Variants in GRSF1 observed in about 807,000 individuals in gnomAD.
GRSF1 encodes the protein G-rich sequence factor 1.
GRSF1 carries 50 observed loss-of-function variants against 51.1 expected under a neutral mutation model. The observed-to-expected ratio is 0.98, with a 90% CI of 0.78 to 1.24. The LOEUF is 1.24. Among genes scored for constraint, GRSF1 ranks in the 50% most tolerant of loss-of-function variants. GRSF1 has a pLI of 0.00. For synonymous variants in GRSF1, 293 were observed against 253.3 expected (o/e 1.16, Z -1.49); for missense variants, 700 against 639.7 (o/e 1.09, Z -1.02).
chr4:70,839,408 CG>C (rs2148849376), intron 1 of GRSF1, 62 bp downstream of exon 1: 1 of 1,484,292 alleles, frequency 6.7e-7, no homozygotes, highest in Non-Finnish European at 9.0e-7. Flanking sequence ...CGGAGGGGCG[CG>C]GGGGCGCGTG....
chr4:70,815,870 G>C lies in GRSF1; in HGVS notation c.*5017C>G, dbSNP rs1733290523. 2.0e-5 allele frequency: 3 copies of C among 152,134 alleles called. No homozygotes were observed. The South Asian group carries it at 6.2e-4, about 31-fold the overall frequency. 9.4% of individuals were successfully genotyped at this position (152,134 alleles called of 1,614,324 possible). A position where few individuals can be genotyped will look rare whatever the true frequency, so the allele number is the denominator to read the frequency against. ...CCAGTTAGTTGTTCACCTAACAGGT[G>C]AAACGTTAAAATGTGGCATTCATAC... On this transcript the variant is annotated 3_prime_UTR_variant, in exon 10 of 10. Coordinates refer to ENST00000254799, the MANE Select transcript of GRSF1 (RefSeq NM_002092.4).
intron 3 of GRSF1, 134 bp downstream of exon 3, chr4:70,832,984 T>C (rs957868215): frequency 7.6e-6 from 6 of 789,928 alleles, no homozygotes; most frequent in African/African-American, 5.3e-5. Flanking sequence ...CTTTATGTTT[T>C]ATTTTCACAT....
intron 9 of GRSF1, among the ~76,000 whole-genome samples, chr4:70,822,956 G>A (rs1419238643): frequency 1.3e-5 from 2 of 152,058 alleles, no homozygotes; most frequent in Admixed American, 6.6e-5. Context: ...AATTAGCCAG[G>A]CATTGTGGCG....
chr4:70,839,743 AG>A lies in GRSF1; in HGVS notation c.84del (p.Cys29AlafsTer114). 6.7e-7 allele frequency: 1 copy of A among 1,503,396 alleles called. No individual in the cohort carries two copies. Among genetic ancestry groups the A allele is most frequent in the Non-Finnish European group, 8.8e-7 (1 of 1,133,640 alleles). The allele number at this position is 1,503,396 out of a possible 1,614,324, so 93.1% of individuals were successfully genotyped here. ...CCAGCGGCGGAGTAGAAGGGCAGGC[AG>A]GCGGCGCCGGTGCGCCGGCAGCTGC... ...NCSSCRRTGA[A>X]CLPFYSAAGS... is the part of the protein sequence containing the mutation. On this transcript the variant is annotated frameshift_variant, in exon 1 of 10. Coordinates refer to ENST00000254799, the MANE Select transcript of GRSF1 (RefSeq NM_002092.4). LOFTEE classifies it high-confidence loss of function.
chr4:70,841,888 A>T (rs1200338603), upstream of GRSF1, among the ~76,000 whole-genome samples: 1 of 152,256 alleles, frequency 6.6e-6, no homozygotes, highest in Non-Finnish European at 1.5e-5. Flanking sequence ...AAACAGGGAC[A>T]AAAGAAAAGG....
chr4:70,826,048 T>TC, intron 7 of GRSF1, 76 bp downstream of exon 7: 4 of 1,251,166 alleles, frequency 3.2e-6, no homozygotes. Flanking sequence ...TTCTCTACCT[T>TC]CCCCAAATTA....
intron 5 of GRSF1, 108 bp from the exon 6 acceptor site, chr4:70,828,144 C>A: frequency 1.3e-6 from 1 of 781,782 alleles, no homozygotes; most frequent in Non-Finnish European, 2.1e-6. Flanking sequence ...TTATGAAACA[C>A]AGGTGTCAAA....
In GRSF1 at chr4:70,839,856, G is replaced by C. The variant is rs776735474; in HGVS notation, c.-29C>G. 5 of 1,461,272 alleles carry C rather than the reference G, an allele frequency of 3.4e-6. No homozygotes were observed. The highest frequency in any genetic ancestry group is 1.5e-5 in the African/African-American group (1 of 67,620). 90.5% of individuals were successfully genotyped at this position (1,461,272 alleles called of 1,614,324 possible). A position where few individuals can be genotyped will look rare whatever the true frequency, so the allele number is the denominator to read the frequency against. On this transcript the variant is annotated 5_prime_UTR_variant, in exon 1 of 10. Transcript: ENST00000254799. ...CTCCGGAGGCGGCGCAGGGCCTGAA[G>C]GCAGCTGCTCCAGCAGCGATGGTGG...
rs1306455387 is a variant in GRSF1 at position 70,826,162 on chromosome 4, C to T, written c.1219G>A (p.Gly407Arg). The change falls in exon 7 of 10, where the codon GGA becomes AGA. Residue 407 changes from glycine (G) to arginine (R), a missense_variant. Gly to Arg is a moderately radical substitution (Grantham distance 125). Transcript: ENST00000254799. ...TSSLHFVHMR[G>R]LPFQANAQDI... ...TGGGCATTGGCTTGGAAAGGTAATCCTCTCATGTGGACAAAATGCAGAGAA... is the reference window on the plus strand; with the variant it reads ...TGGGCATTGGCTTGGAAAGGTAATCTTCTCATGTGGACAAAATGCAGAGAA... 1.9e-6 allele frequency: 3 copies of T among 1,611,292 alleles called. No homozygotes were observed. Among genetic ancestry groups the T allele is most frequent in the Non-Finnish European group, 2.5e-6 (3 of 1,178,414 alleles).
At position 70,839,597 on chromosome 4, in the gene GRSF1, C is replaced by A; in HGVS notation, c.231G>T (p.Ala77=). The A allele has an allele frequency of 7.1e-7, 1 of 1,411,488 alleles. No individual in the cohort carries two copies. 87.4% of individuals were successfully genotyped at this position (1,411,488 alleles called of 1,614,324 possible). A position where few individuals can be genotyped will look rare whatever the true frequency, so the allele number is the denominator to read the frequency against. Residue 77 remains alanine (A), a synonymous_variant, in exon 1 of 10, where the codon GCG becomes GCT. Coordinates refer to ENST00000254799, the MANE Select transcript of GRSF1 (RefSeq NM_002092.4). ...QTGPVPPGRL[A]GPPAVATSAA... ...CAGAGGTGGCCACAGCGGGAGGCCC[C>A]GCCAGCCTCCCGGGAGGCACAGGCC...
rs1578292818 is a variant in GRSF1, at chr4:70,823,048, G to C, written c.*25+1246C>G. Among the ~76,000 whole-genome samples the C allele has an allele frequency of 2.0e-5, 3 of 152,194 alleles. 1 individual carries two copies. The East Asian group carries it at 5.8e-4, about 29-fold the overall frequency. ...GGAGGCGGAGTTTGCAGTGAGCCCA[G>C]ACTGCATCACTGCAATCTAGTCTGC... is the stretch of plus-strand genomic sequence containing the variant. On this transcript the variant is annotated intron_variant, in intron 9 of 9. Coordinates refer to ENST00000254799, the MANE Select transcript of GRSF1 (RefSeq NM_002092.4).
chr4:70,843,165 C>G (rs1734488658), upstream of GRSF1, among the ~76,000 whole-genome samples: 1 of 152,206 alleles, frequency 6.6e-6, no homozygotes, highest in African/African-American at 2.4e-5. Flanking sequence ...AATGCAGTTA[C>G]TCACCTTCCA....
intron 3 of GRSF1, 78 bp downstream of exon 3, chr4:70,833,040 G>C: frequency 8.2e-7 from 1 of 1,212,306 alleles, no homozygotes; most frequent in Non-Finnish European, 1.2e-6. Context: ...TCATTATTAA[G>C]GATCAAATAA....
At chr4:70,835,657 G>A (rs1734176896) in intron 2 of GRSF1, among the ~76,000 whole-genome samples, 2 of 151,826 alleles carry the variant, frequency 1.3e-5, no homozygotes, top group Admixed American at 6.6e-5. Context: ...TAGCCAGGAT[G>A]GTCTCGATCT....
rs567078216 is a variant in GRSF1, at chr4:70,822,048, G to GC, written c.*26-1188dup. Reference sequence around the variant, plus strand: ...AGCCATTACCTGTAGAAAAGTGACTGCAATACAACAGTAATACTTACAATA... The same window carrying GC: ...AGCCATTACCTGTAGAAAAGTGACTGCCAATACAACAGTAATACTTACAATA... On this transcript the variant is annotated intron_variant, in intron 9 of 9. Coordinates refer to ENST00000254799, the MANE Select transcript of GRSF1 (RefSeq NM_002092.4). Among the ~76,000 whole-genome samples the GC allele has an allele frequency of 6.2e-4, 94 of 151,550 alleles. 1 individual carries two copies. In the East Asian group the frequency reaches 0.017, roughly 27 times the overall value.
In GRSF1 at chr4:70,839,552, C is replaced by CGCGGCG. The variant is rs1488278534; in HGVS notation, c.270_275dup (p.Ala91_Ala92dup). ...GAGAGGCACGGAGGGCAGAGTAGGA[C>CGCGGCG]GCGGCGGCCGCGGCCGCGGCAGAGG... On this transcript the variant is annotated inframe_insertion, in exon 1 of 10. Coordinates refer to ENST00000254799, the MANE Select transcript of GRSF1 (RefSeq NM_002092.4). 1.2e-4 allele frequency: 175 copies of CGCGGCG among 1,424,170 alleles called. No homozygotes were observed. The African/African-American group carries it at 1.8e-3, about 14-fold the overall frequency. 88.2% of individuals were successfully genotyped at this position (1,424,170 alleles called of 1,614,324 possible). A position where few individuals can be genotyped will look rare whatever the true frequency, so the allele number is the denominator to read the frequency against.
upstream of GRSF1, among the ~76,000 whole-genome samples, chr4:70,840,353 T>C (rs1734421715): frequency 6.6e-6 from 1 of 152,244 alleles, no homozygotes; most frequent in African/African-American, 2.4e-5. Context: ...GACTCATTCG[T>C]AGTGACTCAT....
chr4:70,834,769 G>A (rs371862581), intron 2 of GRSF1, among the ~76,000 whole-genome samples: 106 of 152,158 alleles, frequency 7.0e-4, no homozygotes, highest in Middle Eastern at 3.4e-3. Flanking sequence ...CTACGGGAGC[G>A]TGCCACCACG....
In GRSF1 at chr4:70,823,974, CTCTTTT is replaced by C. The variant is rs999567439; in HGVS notation, c.*25+314_*25+319del. On this transcript the variant is annotated intron_variant, in intron 9 of 9. Transcript: ENST00000254799. ...AAATAATTTCCACAGTTGTATCTCT[CTCTTTT>C]TTTTTTTTTTTTTTGAGTCTCGCTC... Among the ~76,000 whole-genome samples, 6 of 100,960 alleles carry C rather than the reference CTCTTTT, an allele frequency of 5.9e-5. No individual in the cohort carries two copies. The East Asian group carries it at 1.4e-3, about 24-fold the overall frequency. The allele number at this position is 100,960 out of a possible 152,430, so 66.2% of individuals were successfully genotyped here.
Sources: gnomAD v4.1 joint callset for allele counts (sites outside exome capture counted in the v4.1 genomes callset) on GRCh38, gnomAD v4.1.1 for gene constraint, MANE v1.5 for transcripts, NCBI Gene and HGNC (gene_info 2026-07-23, HGNC 2026-07-21) for gene names.